The following ASIC2 variants were observed in gnomAD, a reference collection of about 807,000 sequenced individuals.
ASIC2 encodes acid sensing ion channel subunit 2.
In ASIC2, 25 loss-of-function variants were observed where a neutral mutation model predicts 57.3. That is an observed-to-expected ratio of 0.44 (90% CI 0.32 to 0.61). The LOEUF is 0.61. Ranked by LOEUF, ASIC2 falls within the 20% of genes least tolerant of loss-of-function variation. The pLI is 0.06. For missense variants in ASIC2, 641 were observed against 738.1 expected (o/e 0.87, Z 1.52); for synonymous variants, 319 against 307.5 (o/e 1.04, Z -0.39).
At chr17:33,457,067 T>C (rs1912475818) in intron 1 of ASIC2, among the ~76,000 whole-genome samples, 1 of 152,180 alleles carries the variant, frequency 6.6e-6, no homozygotes. Context: ...TTCTTAACTG[T>C]AATATGAGAA....
At chr17:33,937,334 C>T (rs143895035) in intron 1 of ASIC2, among the ~76,000 whole-genome samples, 399 of 152,098 alleles carry the variant, frequency 2.6e-3, no homozygotes, top group Non-Finnish European at 4.2e-3. Context: ...ACTGACCTCA[C>T]GTGATCTGCC....
chr17:33,032,440 G>GTTT (rs60183644), intron 3 of ASIC2, among the ~76,000 whole-genome samples: 2,885 of 93,930 alleles, frequency 0.031, 730 homozygotes, highest in African/African-American at 0.065. Context: ...ATAATACACT[G>GTTT]TTTTTTTTTT....
At chr17:33,597,398 G>A (rs536364778) in intron 1 of ASIC2, among the ~76,000 whole-genome samples, 6 of 152,310 alleles carry the variant, frequency 3.9e-5, no homozygotes, top group African/African-American at 1.2e-4. Context: ...TTAACAGCAA[G>A]TGCTTGGATC....
At chr17:33,422,862 G>A (rs1346863290) in intron 1 of ASIC2, among the ~76,000 whole-genome samples, 2 of 152,180 alleles carry the variant, frequency 1.3e-5, no homozygotes, top group African/African-American at 4.8e-5. Flanking sequence ...GTATACCCGG[G>A]TGATGATCTC....
chr17:33,704,376 C>T (rs570415288), intron 1 of ASIC2, among the ~76,000 whole-genome samples: 10 of 152,284 alleles, frequency 6.6e-5, no homozygotes, highest in African/African-American at 2.4e-4. Context: ...CTGTAGGCAC[C>T]TCTTTCCACC....
intron 2 of ASIC2, among the ~76,000 whole-genome samples, chr17:33,096,983 A>G (rs139284479): frequency 6.6e-6 from 1 of 152,308 alleles, no homozygotes; most frequent in East Asian, 1.9e-4. Context: ...TTACCCTTAG[A>G]GGTAGGTGCC....
At chr17:33,054,085 A>G (rs2091988453) in intron 3 of ASIC2, among the ~76,000 whole-genome samples, 1 of 151,896 alleles carries the variant, frequency 6.6e-6, no homozygotes, top group Non-Finnish European at 1.5e-5. Flanking sequence ...CCATCTACCC[A>G]GCTTTCAAGG....
intron 1 of ASIC2, among the ~76,000 whole-genome samples, chr17:33,777,997 G>T (rs1911335518): frequency 6.6e-6 from 1 of 152,114 alleles, no homozygotes; most frequent in South Asian, 2.1e-4. Context: ...CCCTTCTCAG[G>T]ATAGCACTAT....
chr17:33,506,845 T>C (rs1229845970), intron 1 of ASIC2, among the ~76,000 whole-genome samples: 1 of 152,182 alleles, frequency 6.6e-6, no homozygotes, highest in African/African-American at 2.4e-5. Flanking sequence ...AGATGCTCAA[T>C]AAATAGCATG....
chr17:34,102,245 G>T (rs9912922), intron 1 of ASIC2, among the ~76,000 whole-genome samples: 1 of 151,924 alleles, frequency 6.6e-6, no homozygotes, highest in African/African-American at 2.4e-5. Context: ...CACTAGAATC[G>T]CCTGATCCCA....
intron 1 of ASIC2, among the ~76,000 whole-genome samples, chr17:33,420,066 C>T (rs17185057): frequency 0.095 from 14,509 of 152,016 alleles, 809 homozygotes; most frequent in Non-Finnish European, 0.13. Flanking sequence ...TTTCATATGC[C>T]GTTTCATTAT....
At chr17:34,081,521 A>G (rs377300687) in intron 1 of ASIC2, among the ~76,000 whole-genome samples, 1 of 152,280 alleles carries the variant, frequency 6.6e-6, no homozygotes, top group South Asian at 2.1e-4. Flanking sequence ...AATTAAGACA[A>G]TATTATTGGG....
intron 1 of ASIC2, among the ~76,000 whole-genome samples, chr17:33,325,581 G>A (rs575499820): frequency 1.2e-4 from 18 of 152,258 alleles, no homozygotes; most frequent in African/African-American, 4.1e-4. Context: ...TTGGGGGTGC[G>A]AAGACTTAGA....
At chr17:33,364,273 C>T (rs1444145624) in intron 1 of ASIC2, among the ~76,000 whole-genome samples, 1 of 152,108 alleles carries the variant, frequency 6.6e-6, no homozygotes, top group Non-Finnish European at 1.5e-5. Context: ...TCATTCTGAT[C>T]AATAAGAATT....
chr17:33,504,244 T>C (rs898304027), intron 1 of ASIC2, among the ~76,000 whole-genome samples: 7 of 152,250 alleles, frequency 4.6e-5, no homozygotes, highest in African/African-American at 1.7e-4. Context: ...AGCTAAACAC[T>C]ATTTCAGTTG....
intron 1 of ASIC2, among the ~76,000 whole-genome samples, chr17:33,755,075 A>T (rs1910555052): frequency 6.6e-6 from 1 of 151,968 alleles, no homozygotes; most frequent in Admixed American, 6.6e-5. Context: ...TGACGGGATT[A>T]TTCTGGATTA....
chr17:33,803,598 T>C (rs1173180570), intron 1 of ASIC2, among the ~76,000 whole-genome samples: 3 of 150,740 alleles, frequency 2.0e-5, no homozygotes, highest in South Asian at 2.1e-4. Context: ...TTTTTTTTTT[T>C]TTTTTTTTTT....
intron 6 of ASIC2, 151 bp downstream of exon 6, chr17:33,023,710 A>C (rs567323888): frequency 2.2e-5 from 23 of 1,053,534 alleles, no homozygotes; most frequent in Admixed American, 9.8e-5. Context: ...TATTCTGAAC[A>C]TGGAGCGCAG....
chr17:33,292,557 C>A lies in ASIC2; in HGVS notation c.-442G>T. ...CCTAACCCCAGCTTTTACGCTGGTC[C>A]TGGGAGAAGGGCCACTCGGCCACCA... On this transcript the variant is annotated 5_prime_UTR_variant, in exon 1 of 10. In the 5' UTR this introduces an upstream ATG that the reference lacks. Coordinates refer to ENST00000225823, the MANE Select transcript of ASIC2 (RefSeq NM_183377.2). The A allele has an allele frequency of 5.1e-6, 5 of 985,844 alleles. No homozygotes were observed. Among genetic ancestry groups the A allele is most frequent in the Non-Finnish European group, 6.0e-6 (5 of 830,314 alleles). 61.1% of individuals were successfully genotyped at this position (985,844 alleles called of 1,614,324 possible). A position where few individuals can be genotyped will look rare whatever the true frequency, so the allele number is the denominator to read the frequency against.
Sources: allele counts gnomAD v4.1 joint callset (sites outside exome capture counted in the v4.1 genomes callset), GRCh38; gene constraint gnomAD v4.1.1; transcripts MANE v1.5; gene names NCBI Gene and HGNC (gene_info 2026-07-23, HGNC 2026-07-21).